Variants in MAP2 observed in about 807,000 individuals in gnomAD.
MAP2 encodes microtubule associated protein 2.
Under a neutral mutation model 137.6 loss-of-function variants are expected in MAP2, and 14 were observed. That is an observed-to-expected ratio of 0.10 (90% CI 0.07 to 0.16). The LOEUF is 0.16. MAP2 is among the 10% of genes least tolerant of loss of function. MAP2 has a pLI of 1.00. For missense variants in MAP2, 2,088 were observed against 2,191.5 expected (o/e 0.95, Z 0.94); for synonymous variants, 786 against 782.3 (o/e 1.00, Z -0.08).
At chr2:209,614,468 T>C (rs2088323148) in intron 3 of MAP2, among the ~76,000 whole-genome samples, 1 of 152,318 alleles carries the variant, frequency 6.6e-6, no homozygotes. Flanking sequence ...TCATCATGTA[T>C]ATTTCCAAGA....
chr2:209,651,774 T>A (rs887886189), intron 4 of MAP2, among the ~76,000 whole-genome samples: 3 of 152,192 alleles, frequency 2.0e-5, no homozygotes, highest in African/African-American at 7.2e-5. Flanking sequence ...TTGGCTTAAA[T>A]GAATTAACTC....
At chr2:209,553,097 T>C (rs1211297281) in intron 2 of MAP2, among the ~76,000 whole-genome samples, 1 of 151,348 alleles carries the variant, frequency 6.6e-6, no homozygotes, top group Non-Finnish European at 1.5e-5. Context: ...CTGCAAGCTC[T>C]GCCTCCCGGG....
At chr2:209,641,111 A>G (rs2093990641) in intron 4 of MAP2, among the ~76,000 whole-genome samples, 1 of 152,040 alleles carries the variant, frequency 6.6e-6, no homozygotes. Context: ...CTTCTTCATA[A>G]TGTGGCTCTC....
chr2:209,543,057 G>GT (rs2067338022), intron 2 of MAP2, among the ~76,000 whole-genome samples: 1 of 152,020 alleles, frequency 6.6e-6, no homozygotes, highest in African/African-American at 2.4e-5. Context: ...GTCATTCCTA[G>GT]TTTTTTATTT....
chr2:209,522,802 G>C (rs1384327772), intron 2 of MAP2, among the ~76,000 whole-genome samples: 2 of 152,046 alleles, frequency 1.3e-5, no homozygotes, highest in African/African-American at 4.8e-5. Context: ...TAACAAAACG[G>C]TTGCATTCAA....
At chr2:209,642,178 C>T (rs1390616782) in intron 4 of MAP2, among the ~76,000 whole-genome samples, 2 of 152,018 alleles carry the variant, frequency 1.3e-5, no homozygotes, top group Non-Finnish European at 2.9e-5. Context: ...CACAGTGGCT[C>T]ATGCCTGTAA....
Position 209,490,605 on chromosome 2 carries a change from C to CAAAAAAAAAAAAAAAAAAA in MAP2, c.-221-16975_-221-16957dup, listed in dbSNP as rs59133937. ...GAAGATTTACCAAGCAAATGGAAAG[C>CAAAAAAAAAAAAAAAAAAA]AAAAAAAAAAAAAAAAAAAAAAAAA... On this transcript the variant is annotated intron_variant, in intron 1 of 15. Coordinates refer to ENST00000682079, the MANE Select transcript of MAP2 (RefSeq NM_001375505.1). 7.2e-4 allele frequency among the ~76,000 whole-genome samples: 4 copies of CAAAAAAAAAAAAAAAAAAA among 5,562 alleles called. 1 individual carries two copies. Among genetic ancestry groups the CAAAAAAAAAAAAAAAAAAA allele is most frequent in the Non-Finnish European group, 8.5e-4 (3 of 3,548 alleles). The allele number at this position is 5,562 out of a possible 152,430, so 3.6% of individuals were successfully genotyped here. A position where few individuals can be genotyped will look rare whatever the true frequency, so the allele number is the denominator to read the frequency against.
At chr2:209,509,665 T>C (rs1287734447) in intron 2 of MAP2, among the ~76,000 whole-genome samples, 2 of 152,088 alleles carry the variant, frequency 1.3e-5, no homozygotes, top group East Asian at 3.9e-4. Flanking sequence ...TTACCATTTT[T>C]TTCAACTATA....
At chr2:209,476,944 A>G (rs955016108) in intron 1 of MAP2, among the ~76,000 whole-genome samples, 1 of 152,224 alleles carries the variant, frequency 6.6e-6, no homozygotes, top group African/African-American at 2.4e-5. Context: ...TTAAGCATTC[A>G]AAACCTTCAT....
At chr2:209,585,431 A>G (rs2077460762) in intron 3 of MAP2, among the ~76,000 whole-genome samples, 1 of 152,154 alleles carries the variant, frequency 6.6e-6, no homozygotes, top group Non-Finnish European at 1.5e-5. Context: ...TAAAATTTGT[A>G]AAATTTAGAA....
chr2:209,654,405 C>T (rs950475017), intron 5 of MAP2, among the ~76,000 whole-genome samples: 4 of 152,136 alleles, frequency 2.6e-5, no homozygotes, highest in Admixed American at 6.5e-5. Context: ...CTGTGCAGTG[C>T]CCCACAGGCA....
intron 11 of MAP2, among the ~76,000 whole-genome samples, chr2:209,700,900 A>T (rs186324574): frequency 1.2e-4 from 19 of 152,282 alleles, no homozygotes; most frequent in Non-Finnish European, 2.4e-4. Flanking sequence ...CAGTAAATGT[A>T]CTTCCATGTC....
chr2:209,615,836 T>C (rs1435900783), intron 3 of MAP2, among the ~76,000 whole-genome samples: 1 of 152,222 alleles, frequency 6.6e-6, no homozygotes, highest in Admixed American at 6.5e-5. Context: ...ATACCTACTC[T>C]TTCCTAATTG....
At position 209,693,940 on chromosome 2, in the gene MAP2, T is replaced by G; in HGVS notation, c.1770T>G (p.Ser590Arg). The G allele has an allele frequency of 6.2e-7, 1 of 1,613,252 alleles. No individual in the cohort carries two copies. Among genetic ancestry groups the G allele is most frequent in the Non-Finnish European group, 8.5e-7 (1 of 1,179,726 alleles). Reference protein sequence around the residue: ...EEATKSIEPGSDYYELSDTRE... With the variant: ...EEATKSIEPGRDYYELSDTRE... ...CAACAAAAAGCATTGAGCCAGGCAG[T>G]GATTACTATGAACTGAGTGACACTA... Residue 590 changes from serine to arginine, a missense_variant, in exon 8 of 16, where the codon AGT becomes AGG. Coordinates refer to ENST00000682079, the MANE Select transcript of MAP2 (RefSeq NM_001375505.1).
At chr2:209,450,099 G>A (rs922627056) in intron 1 of MAP2, among the ~76,000 whole-genome samples, 1 of 151,934 alleles carries the variant, frequency 6.6e-6, no homozygotes, top group East Asian at 1.9e-4. Context: ...GTACCACCAC[G>A]GCCAGCAAAT....
At chr2:209,545,976 T>TA (rs2067976263) in intron 2 of MAP2, among the ~76,000 whole-genome samples, 1 of 152,106 alleles carries the variant, frequency 6.6e-6, no homozygotes, top group Admixed American at 6.5e-5. Flanking sequence ...CCGTCTCTAC[T>TA]AAAAAAATAC....
At chr2:209,579,580 C>G (rs2075928319) in intron 2 of MAP2, 1 of 152,292 alleles carries the variant, frequency 6.6e-6, no homozygotes, top group Non-Finnish European at 1.5e-5. Context: ...GCGGGGACTT[C>G]TAATTTGCAG....
At chr2:209,704,362 T>G (rs2062717597) in intron 11 of MAP2, 22 of 1,150,970 alleles carry the variant, frequency 1.9e-5, no homozygotes, top group Non-Finnish European at 6.1e-6. Flanking sequence ...ACTTTGAGTT[T>G]CTTATATGTT....
chr2:209,451,011 G>C (rs1375939326), intron 1 of MAP2, among the ~76,000 whole-genome samples: 2 of 151,748 alleles, frequency 1.3e-5, no homozygotes, highest in Non-Finnish European at 2.9e-5. Flanking sequence ...TTTGAGTTTT[G>C]TTCCTTATTT....
Sources: allele counts gnomAD v4.1 joint callset (sites outside exome capture counted in the v4.1 genomes callset), GRCh38; gene constraint gnomAD v4.1.1; transcripts MANE v1.5; gene names NCBI Gene and HGNC (gene_info 2026-07-23, HGNC 2026-07-21).